The following GRK5 variants were observed in gnomAD, a reference collection of about 807,000 sequenced individuals.
The protein encoded by GRK5 is g protein-coupled receptor kinase GRK5.
In GRK5, 40 loss-of-function variants were observed where a neutral mutation model predicts 78.4. The ratio of observed to expected loss-of-function variants is 0.51; its 90% CI spans 0.40 to 0.66. The LOEUF is 0.66. GRK5 is among the 30% of genes least tolerant of loss of function. The probability of loss-of-function intolerance (pLI) is 0.00; values close to 1 mark genes in which losing one functional copy is unlikely to be tolerated. For synonymous variants in GRK5, 289 were observed against 296.8 expected (o/e 0.97, Z 0.27); for missense variants, 598 against 759.9 (o/e 0.79, Z 2.50).
intron 1 of GRK5, among the ~76,000 whole-genome samples, chr10:119,247,981 G>A (rs1376355004): frequency 6.6e-6 from 1 of 152,128 alleles, no homozygotes; most frequent in Non-Finnish European, 1.5e-5. Context: ...GAGTGAACAA[G>A]TGTTTATATC....
intron 13 of GRK5, 75 bp downstream of exon 13, chr10:119,448,335 G>C: frequency 6.7e-7 from 1 of 1,483,518 alleles, no homozygotes; most frequent in Admixed American, 2.5e-5. Flanking sequence ...CTGCCTCACA[G>C]TGAGCTGGTG....
chr10:119,276,223 C>T (rs12263422), intron 1 of GRK5, among the ~76,000 whole-genome samples: 24,222 of 151,992 alleles, frequency 0.16, 2,165 homozygotes, highest in South Asian at 0.21. Flanking sequence ...CCCATTAACT[C>T]GTCATTTAGC....
chr10:119,395,536 C>G (rs1426673596), intron 3 of GRK5, among the ~76,000 whole-genome samples: 2 of 152,170 alleles, frequency 1.3e-5, no homozygotes, highest in African/African-American at 4.8e-5. Flanking sequence ...CAGAGGCTGA[C>G]AAATCCTTGG....
At chr10:119,286,428 C>A (rs1260828649) in intron 1 of GRK5, among the ~76,000 whole-genome samples, 6 of 152,188 alleles carry the variant, frequency 3.9e-5, no homozygotes, top group Non-Finnish European at 1.5e-5. Flanking sequence ...TTGCCACAGT[C>A]TGTGATTGGA....
chr10:119,304,284 C>CTTTTT lies in GRK5; in HGVS notation c.53-22211_53-22207dup, dbSNP rs59740732. On this transcript the variant is annotated intron_variant, in intron 1 of 15. Coordinates refer to ENST00000392870, the MANE Select transcript of GRK5 (RefSeq NM_005308.3). The stretch of plus-strand genomic sequence containing the variant: ...AGCAGTATGCTAACTGTGTGAGCTG[C>CTTTTT]TTTTTTTTTTTTTTTTTTTTTTTTT... 4.9e-4 allele frequency among the ~76,000 whole-genome samples: 37 copies of CTTTTT among 75,056 alleles called. 2 individuals carry two copies. The highest frequency in any genetic ancestry group is 8.6e-4 in the African/African-American group (17 of 19,860). 49.2% of individuals were successfully genotyped at this position (75,056 alleles called of 152,430 possible). A position where few individuals can be genotyped will look rare whatever the true frequency, so the allele number is the denominator to read the frequency against.
At chr10:119,275,880 C>T (rs141437094) in intron 1 of GRK5, among the ~76,000 whole-genome samples, 3 of 152,252 alleles carry the variant, frequency 2.0e-5, no homozygotes, top group Non-Finnish European at 2.9e-5. Flanking sequence ...GGGAGGGCCG[C>T]AGGAGTTTGG....
intron 4 of GRK5, among the ~76,000 whole-genome samples, chr10:119,397,744 G>A (rs1852080450): frequency 1.3e-5 from 2 of 152,208 alleles, no homozygotes; most frequent in South Asian, 2.1e-4. Flanking sequence ...TGTAGCCCTC[G>A]TTCTTCTCCA....
At chr10:119,278,767 T>C (rs1045327140) in intron 1 of GRK5, among the ~76,000 whole-genome samples, 3 of 152,200 alleles carry the variant, frequency 2.0e-5, no homozygotes, top group Non-Finnish European at 4.4e-5. Flanking sequence ...GCCAGCAGGA[T>C]TGGGGTCCCT....
chr10:119,435,932 T>G (rs763403637), intron 8 of GRK5, among the ~76,000 whole-genome samples: 12 of 152,216 alleles, frequency 7.9e-5, no homozygotes, highest in Admixed American at 3.9e-4. Flanking sequence ...TGAAAGGCAC[T>G]TCTTACATGG....
chr10:119,327,589 C>G (rs760639206), intron 2 of GRK5, among the ~76,000 whole-genome samples: 36 of 152,198 alleles, frequency 2.4e-4, no homozygotes, highest in Admixed American at 7.8e-4. Context: ...CCCGTGCCTG[C>G]CCTGGAATTC....
Position 119,379,819 on chromosome 10 carries a change from T to C in GRK5, c.149-996T>C, listed in dbSNP as rs6585546. On this transcript the variant is annotated intron_variant, in intron 2 of 15. Coordinates refer to ENST00000392870, the MANE Select transcript of GRK5 (RefSeq NM_005308.3). The surrounding 1 kb of genome is among the most constrained non-coding windows in gnomAD (Gnocchi z 4.1). The stretch of plus-strand genomic sequence containing the variant: ...AAGGGCCCCCATCCCAACTCCAGCA[T>C]GCCCTTCTTGTTTTCAGAGGAGAAC... Among the ~76,000 whole-genome samples the C allele has an allele frequency of 0.53, 80,889 of 151,986 alleles. 22,231 individuals carry two copies. Among genetic ancestry groups the C allele is most frequent in the Non-Finnish European group, 0.58 (39,663 of 67,960 alleles).
rs1302647369 is a variant in GRK5 at position 119,207,647 on chromosome 10, G to C, written c.-271G>C. 5.3e-6 allele frequency: 2 copies of C among 375,970 alleles called. No individual in the cohort carries two copies. The highest frequency in any genetic ancestry group is 4.9e-5 in the Admixed American group (1 of 20,390). 23.3% of individuals were successfully genotyped at this position (375,970 alleles called of 1,614,324 possible). The stretch of plus-strand genomic sequence containing the variant: ...GGAGTGACAGAGACACGCGGAGGGT[G>C]GGGGGTGGGGGGGAGCGTGTTGAGG... On this transcript the variant is annotated 5_prime_UTR_variant, in exon 1 of 16. Transcript: ENST00000392870.
intron 3 of GRK5, among the ~76,000 whole-genome samples, chr10:119,390,527 T>C (rs1049933026): frequency 1.3e-5 from 2 of 151,064 alleles, no homozygotes; most frequent in African/African-American, 4.9e-5. Flanking sequence ...AAACCCCATC[T>C]CTACTAAAAA....
At chr10:119,419,638 C>T (rs1589799928) in intron 4 of GRK5, among the ~76,000 whole-genome samples, 1 of 152,238 alleles carries the variant, frequency 6.6e-6, no homozygotes. Flanking sequence ...CCCTGCCAGC[C>T]AATCCAAAGT....
intron 2 of GRK5, among the ~76,000 whole-genome samples, chr10:119,352,438 C>T (rs1485292984): frequency 6.6e-6 from 1 of 152,230 alleles, no homozygotes; most frequent in Non-Finnish European, 1.5e-5. Flanking sequence ...ATTAGGGAGG[C>T]TGCCCACTGT....
At chr10:119,313,086 G>GTGGTGGTGATGGTGGTGGTGGTGA (rs1850407906) in intron 1 of GRK5, among the ~76,000 whole-genome samples, 1 of 94,970 alleles carries the variant, frequency 1.1e-5, no homozygotes, top group African/African-American at 4.7e-5. Flanking sequence ...GGTGGTGGTG[G>GTGGTGGTGATGGTGGTGGTGGTGA]TGATGGTGGT....
intron 4 of GRK5, among the ~76,000 whole-genome samples, chr10:119,413,067 C>T (rs1236147831): frequency 6.6e-6 from 1 of 152,110 alleles, no homozygotes; most frequent in Non-Finnish European, 1.5e-5. Flanking sequence ...CCCAGTTGCT[C>T]AAACAAAGAG....
rs1006552803 is a variant in GRK5, at chr10:119,253,604, C to T, written c.52+45635C>T. 1.2e-4 allele frequency among the ~76,000 whole-genome samples: 19 copies of T among 152,230 alleles called. No homozygotes were observed. Among genetic ancestry groups the T allele is most frequent in the Admixed American group, 2.0e-4 (3 of 15,290 alleles). ...GCTTCAGCCCGGCGCACACCCAGCT[C>T]GTTTGGAGGTCACGGCTCACCATAA... On this transcript the variant is annotated intron_variant, in intron 1 of 15. Coordinates refer to ENST00000392870, the MANE Select transcript of GRK5 (RefSeq NM_005308.3). This position sits in a 1 kb window ranked among gnomAD's most constrained non-coding sequence, Gnocchi z 5.7.
intron 1 of GRK5, among the ~76,000 whole-genome samples, chr10:119,281,937 A>T (rs1849770124): frequency 6.6e-6 from 1 of 152,118 alleles, no homozygotes; most frequent in African/African-American, 2.4e-5. Context: ...ACCCAAGCAG[A>T]AATCCTGGAG....
Sources: gnomAD v4.1 joint callset for allele counts (sites outside exome capture counted in the v4.1 genomes callset) on GRCh38, gnomAD v4.1.1 for gene constraint, Gnocchi (gnomAD v3.1) non-coding constraint, MANE v1.5 for transcripts, NCBI Gene and HGNC (gene_info 2026-07-23, HGNC 2026-07-21) for gene names.